Variants in CACNA2D3 observed in about 807,000 individuals in gnomAD.
CACNA2D3 encodes the protein calcium voltage-gated channel auxiliary subunit alpha2delta 3.
Under a neutral mutation model 160.6 loss-of-function variants are expected in CACNA2D3, and 60 were observed. The observed-to-expected ratio is 0.37, with a 90% CI of 0.30 to 0.46. The LOEUF is 0.46. Ranked by LOEUF, CACNA2D3 falls within the 20% of genes least tolerant of loss-of-function variation. The probability of loss-of-function intolerance (pLI) is 1.00; values close to 1 mark genes in which losing one functional copy is unlikely to be tolerated. For missense variants in CACNA2D3, 1,205 were observed against 1,365.0 expected (o/e 0.88, Z 1.85); for synonymous variants, 558 against 492.9 (o/e 1.13, Z -1.75).
intron 4 of CACNA2D3, among the ~76,000 whole-genome samples, chr3:54,468,274 G>A (rs1161130000): frequency 2.0e-5 from 3 of 152,068 alleles, no homozygotes; most frequent in South Asian, 2.1e-4. Context: ...GGTGCAGCCC[G>A]TGGAGGGTGA....
At chr3:54,637,670 T>G (rs1242686498) in intron 10 of CACNA2D3, 1 of 151,932 alleles carries the variant, frequency 6.6e-6, no homozygotes, top group Non-Finnish European at 1.5e-5. Context: ...GGGGACGGAC[T>G]TACCCTCCAC....
chr3:54,372,398 T>A (rs1010289268), intron 3 of CACNA2D3, among the ~76,000 whole-genome samples: 4 of 152,156 alleles, frequency 2.6e-5, no homozygotes, highest in African/African-American at 9.7e-5. Flanking sequence ...TGTCAGAGCC[T>A]TGGAGAGTTG....
At chr3:54,424,279 C>T (rs1699881313) in intron 4 of CACNA2D3, among the ~76,000 whole-genome samples, 1 of 152,180 alleles carries the variant, frequency 6.6e-6, no homozygotes, top group South Asian at 2.1e-4. Context: ...GCAGGAGCCC[C>T]TGGGGTGCAG....
At chr3:54,204,582 G>A (rs908817765) in intron 2 of CACNA2D3, among the ~76,000 whole-genome samples, 16 of 152,048 alleles carry the variant, frequency 1.1e-4, no homozygotes, top group Admixed American at 2.6e-4. Context: ...GGATCACGAG[G>A]TCAGGAGTTC....
chr3:54,895,345 C>T lies in CACNA2D3; in HGVS notation c.2247-1404C>T, dbSNP rs115069650. Among the ~76,000 whole-genome samples, 1,352 of 152,234 alleles carry T rather than the reference C, an allele frequency of 8.9e-3. 19 individuals carry two copies. The highest frequency in any genetic ancestry group is 0.031 in the African/African-American group (1,272 of 41,512). Reference sequence around the variant, plus strand: ...GGAAATATTGGGAGGAGGAAGGTCCCAGACCTTAGAAAGGAGTTAGGACAT... The same window carrying T: ...GGAAATATTGGGAGGAGGAAGGTCCTAGACCTTAGAAAGGAGTTAGGACAT... On this transcript the variant is annotated intron_variant, in intron 25 of 37. Transcript: ENST00000474759.
chr3:54,221,212 C>G (rs995008769), intron 2 of CACNA2D3, among the ~76,000 whole-genome samples: 1 of 152,178 alleles, frequency 6.6e-6, no homozygotes, highest in Non-Finnish European at 1.5e-5. Context: ...TAATTAAAAT[C>G]CATGAGTCTT....
At chr3:54,316,243 G>A (rs191878963) in intron 2 of CACNA2D3, among the ~76,000 whole-genome samples, 39 of 152,294 alleles carry the variant, frequency 2.6e-4, no homozygotes, top group African/African-American at 8.4e-4. Context: ...TCCAGTTACT[G>A]GAGGTCAAAT....
intron 11 of CACNA2D3, among the ~76,000 whole-genome samples, chr3:54,713,119 T>A (rs1222856220): frequency 6.6e-6 from 1 of 152,210 alleles, no homozygotes; most frequent in Non-Finnish European, 1.5e-5. Flanking sequence ...AATTGTTCTT[T>A]GTGACCCCAT....
At chr3:54,135,844 C>G (rs1043679325) in intron 2 of CACNA2D3, among the ~76,000 whole-genome samples, 1 of 152,202 alleles carries the variant, frequency 6.6e-6, no homozygotes, top group Non-Finnish European at 1.5e-5. Flanking sequence ...AGTGGCCTGC[C>G]GCAGGTCTCA....
chr3:54,492,673 C>G (rs575886542), intron 4 of CACNA2D3, among the ~76,000 whole-genome samples: 7 of 152,326 alleles, frequency 4.6e-5, no homozygotes, highest in Admixed American at 2.0e-4. Flanking sequence ...CCCCAAACCC[C>G]AGTATTCAAA....
chr3:54,174,327 TACCC>T (rs1700624954), intron 2 of CACNA2D3, among the ~76,000 whole-genome samples: 1 of 152,164 alleles, frequency 6.6e-6, no homozygotes, highest in African/African-American at 2.4e-5. Flanking sequence ...CCTTCAGTCC[TACCC>T]ACAGACAGGC....
chr3:54,542,036 A>G (rs923922407), intron 5 of CACNA2D3, among the ~76,000 whole-genome samples: 4 of 150,912 alleles, frequency 2.7e-5, no homozygotes, highest in Non-Finnish European at 4.4e-5. Flanking sequence ...TGATATATGT[A>G]TATGTGAATG....
chr3:54,948,261 G>C (rs945311993), intron 27 of CACNA2D3, among the ~76,000 whole-genome samples: 1 of 152,196 alleles, frequency 6.6e-6, no homozygotes. Context: ...GTCCATTCCA[G>C]GTGACCTCTT....
At chr3:54,857,591 C>G (rs1158431259) in intron 17 of CACNA2D3, among the ~76,000 whole-genome samples, 1 of 152,188 alleles carries the variant, frequency 6.6e-6, no homozygotes, top group Non-Finnish European at 1.5e-5. Context: ...TGGCTGCCCT[C>G]CCATCTCTGA....
chr3:54,491,928 A>G (rs911259351), intron 4 of CACNA2D3, among the ~76,000 whole-genome samples: 8 of 152,178 alleles, frequency 5.3e-5, no homozygotes, highest in African/African-American at 1.9e-4. Flanking sequence ...CCTCTGGTTG[A>G]GATATAGACC....
At chr3:54,348,460 G>A (rs1698496151) in intron 3 of CACNA2D3, among the ~76,000 whole-genome samples, 1 of 152,182 alleles carries the variant, frequency 6.6e-6, no homozygotes. Context: ...CTGATGTTCT[G>A]TTATCTACAA....
chr3:54,882,878 T>C (rs1405109000), intron 21 of CACNA2D3, among the ~76,000 whole-genome samples: 1 of 152,234 alleles, frequency 6.6e-6, no homozygotes, highest in Admixed American at 6.5e-5. Context: ...GCTTTGCCAG[T>C]GCCAGAGATT....
In CACNA2D3 at chr3:54,871,200, CACACACACACACACACACACA is replaced by C. The variant is rs1277617237; in HGVS notation, c.1627-338_1627-318del. On this transcript the variant is annotated intron_variant, in intron 17 of 37. Transcript: ENST00000474759. ...AGGTGGAGACACACACACACACACACACACACACACACACACACACACACCCCCCATTCAAGGAGGGGACAG... is the reference window on the plus strand; with the variant it reads ...AGGTGGAGACACACACACACACACACCACCCCCCATTCAAGGAGGGGACAG... Among the ~76,000 whole-genome samples, 16 of 94,136 alleles carry C rather than the reference CACACACACACACACACACACA, an allele frequency of 1.7e-4. 1 individual carries two copies. In the East Asian group the frequency reaches 4.0e-3, roughly 23 times the overall value. 61.8% of individuals were successfully genotyped at this position (94,136 alleles called of 152,430 possible). A position where few individuals can be genotyped will look rare whatever the true frequency, so the allele number is the denominator to read the frequency against.
intron 10 of CACNA2D3, among the ~76,000 whole-genome samples, chr3:54,641,435 C>G (rs58292916): frequency 0.013 from 1,955 of 152,196 alleles, 47 homozygotes; most frequent in African/African-American, 0.045. Flanking sequence ...GATGAAGCCT[C>G]TAAGTGGCAG....
Sources: gnomAD v4.1 joint callset for allele counts (sites outside exome capture counted in the v4.1 genomes callset) on GRCh38, gnomAD v4.1.1 for gene constraint, MANE v1.5 for transcripts, NCBI Gene and HGNC (gene_info 2026-07-23, HGNC 2026-07-21) for gene names.